The following DOP1A variants were observed in gnomAD, a reference collection of about 807,000 sequenced individuals.
The protein encoded by DOP1A is protein DOP1A.
DOP1A carries 90 observed loss-of-function variants against 267.6 expected under a neutral mutation model. The ratio of observed to expected loss-of-function variants is 0.34; its 90% CI spans 0.28 to 0.40. DOP1A has a LOEUF of 0.40. Among genes scored for constraint, DOP1A ranks in the 10% least tolerant of loss-of-function variants. The pLI, the probability that DOP1A is intolerant of heterozygous loss-of-function variation, is 1.00. For synonymous variants in DOP1A, 932 were observed against 999.1 expected, an observed-to-expected ratio of 0.93 and a Z score of 1.27; for missense variants, 2,437 against 2,900.4, an observed-to-expected ratio of 0.84 and a Z score of 3.67.
Position 83,152,385 on chromosome 6 carries a change from T to C in DOP1A, c.6129+18T>C. The C allele has an allele frequency of 1.7e-6, 2 of 1,203,414 alleles. No homozygotes were observed. Among genetic ancestry groups the C allele is most frequent in the Non-Finnish European group, 2.3e-6 (2 of 872,210 alleles). 74.5% of individuals were successfully genotyped at this position (1,203,414 alleles called of 1,614,324 possible). On this transcript the variant is annotated intron_variant, in intron 30 of 38. Coordinates refer to ENST00000349129, the MANE Select transcript of DOP1A (RefSeq NM_015018.4). The stretch of plus-strand genomic sequence containing the variant: ...TCTCTGAGGTAAATATTAAGCTTTT[T>C]CACATGAACTCTCAAGTAGACTGTT...
intron 1 of DOP1A, among the ~76,000 whole-genome samples, chr6:83,071,683 A>T (rs1269363628): frequency 6.6e-6 from 1 of 152,248 alleles, no homozygotes; most frequent in East Asian, 1.9e-4. Flanking sequence ...TAAATTAAAA[A>T]GTGTACTACA....
Position 83,153,898 on chromosome 6 carries a change from C to T in DOP1A, c.6244C>T (p.His2082Tyr). 6.2e-6 allele frequency: 10 copies of T among 1,611,250 alleles called. No homozygotes were observed. Among genetic ancestry groups the T allele is most frequent in the Non-Finnish European group, 8.5e-6 (10 of 1,179,272 alleles). Residue 2082 changes from histidine (H) to tyrosine (Y), a missense_variant, in exon 32 of 39, where the codon CAT becomes TAT. This residue lies in a region of DOP1A where 216 missense variants were observed against 283.3 expected (regional missense o/e 0.76). Coordinates refer to ENST00000349129, the MANE Select transcript of DOP1A (RefSeq NM_015018.4). ...VVPYLRNHSAHNAPSYRACVQ... is the reference protein window; with the variant it reads ...VVPYLRNHSAYNAPSYRACVQ... ...GGTGGTTTTTCTTCCTTGTAGTGCA[C>T]ATAATGCCCCTAGTTATCGAGCTTG...
At chr6:83,125,473 C>T (rs778303258) in intron 14 of DOP1A, 27 bp from the exon 15 acceptor site, 2 of 1,603,996 alleles carry the variant, frequency 1.2e-6, no homozygotes, top group Non-Finnish European at 1.7e-6. Context: ...ATTGTTTAAA[C>T]TTTTTTCATT....
chr6:83,162,873 A>C lies in DOP1A; in HGVS notation c.7046A>C (p.Lys2349Thr). Residue 2349 changes from lysine (K) to threonine (T), a missense_variant, in exon 38 of 39, where the codon AAA (lysine) becomes ACA (threonine). Physicochemically the swap from Lys to Thr is moderately conservative, Grantham distance 78 (BLOSUM62 -1). Around this residue, in one of 9 missense-constraint regions of DOP1A, gnomAD observed 197 missense variants for 246.5 expected, o/e 0.80. Coordinates refer to ENST00000349129, the MANE Select transcript of DOP1A (RefSeq NM_015018.4). ...CAGGGTATACATCAACGAGAATTTAAACCTTACGTGGTACGACTAGCAAAA... is the reference window on the plus strand; with the variant it reads ...CAGGGTATACATCAACGAGAATTTACACCTTACGTGGTACGACTAGCAAAA... ...RRQGIHQREF[K>T]PYVVRLAKLL... The C allele has an allele frequency of 6.2e-7, 1 of 1,613,506 alleles. No homozygotes were observed. The highest frequency in any genetic ancestry group is 8.5e-7 in the Non-Finnish European group (1 of 1,179,578).
intron 33 of DOP1A, among the ~76,000 whole-genome samples, chr6:83,154,917 C>T (rs1333795308): frequency 6.6e-6 from 1 of 152,086 alleles, no homozygotes; most frequent in Non-Finnish European, 1.5e-5. Context: ...GGAAAAAGGG[C>T]AGGATATCTG....
In DOP1A at chr6:83,159,926, G is replaced by A. The variant is rs1439581413; in HGVS notation, c.6928G>A (p.Ala2310Thr). The A allele has an allele frequency of 6.2e-6, 10 of 1,613,914 alleles. No individual in the cohort carries two copies. Among genetic ancestry groups the A allele is most frequent in the East Asian group, 4.5e-5 (2 of 44,872 alleles). The change falls in exon 37 of 39, where the codon GCA (alanine) becomes ACA (threonine). Residue 2310 changes from alanine to threonine, a missense_variant. Ala to Thr is a moderately conservative substitution (Grantham distance 58). This residue lies in a region of DOP1A where 197 missense variants were observed against 246.5 expected (regional missense o/e 0.80). Coordinates refer to ENST00000349129, the MANE Select transcript of DOP1A (RefSeq NM_015018.4). ...TTGCAAATTTTTGGATTTGGCTCTC[G>A]CATTGCCCTCTGAAAACCTTCCTCA... ...SACKFLDLAL[A>T]LPSENLPQFQ... is the part of the protein sequence containing the mutation.
At chr6:83,150,876 G>A (rs1781529647) in intron 27 of DOP1A, among the ~76,000 whole-genome samples, 1 of 152,016 alleles carries the variant, frequency 6.6e-6, no homozygotes, top group Non-Finnish European at 1.5e-5. Flanking sequence ...CAAATGCAAA[G>A]TTTGTAAAAA....
At chr6:83,114,002 TA>T (rs1342679427) in intron 7 of DOP1A, among the ~76,000 whole-genome samples, 1 of 152,158 alleles carries the variant, frequency 6.6e-6, no homozygotes, top group Non-Finnish European at 1.5e-5. Context: ...AGCACCAGTA[TA>T]TAGGCATTCA....
intron 11 of DOP1A, 97 bp downstream of exon 11, chr6:83,122,147 GT>G (rs1562323289): frequency 7.2e-7 from 1 of 1,389,738 alleles, no homozygotes; most frequent in Non-Finnish European, 9.8e-7. Flanking sequence ...ACTCTATGAA[GT>G]TTGTGTTCTA....
At chr6:83,111,962 T>C (rs1425741769) in intron 6 of DOP1A, among the ~76,000 whole-genome samples, 3 of 152,150 alleles carry the variant, frequency 2.0e-5, no homozygotes, top group African/African-American at 4.8e-5. Context: ...TAATCCAAGG[T>C]ACCAGAGATT....
chr6:83,092,818 TATC>T (rs762566262), intron 1 of DOP1A, among the ~76,000 whole-genome samples: 11 of 152,162 alleles, frequency 7.2e-5, no homozygotes, highest in Admixed American at 2.0e-4. Flanking sequence ...AATGAGCAGT[TATC>T]ATCTATAGCA....
chr6:83,149,019 GA>G lies in DOP1A; in HGVS notation c.5837+166del, dbSNP rs551255497. On this transcript the variant is annotated intron_variant, in intron 27 of 38. Transcript: ENST00000349129. ...AACTAGATGTATAAGGCCTGTTTAA[GA>G]AAAAAAAAAGTGGGAGGCAGGGTGA... Among the ~76,000 whole-genome samples the G allele has an allele frequency of 1.1e-3, 169 of 147,680 alleles. 1 individual carries two copies. Among genetic ancestry groups the G allele is most frequent in the African/African-American group, 2.8e-3 (111 of 40,354 alleles).
chr6:83,152,595 CTTT>C (rs1276411149), intron 30 of DOP1A, among the ~76,000 whole-genome samples: 4 of 147,198 alleles, frequency 2.7e-5, no homozygotes, highest in African/African-American at 7.5e-5. Flanking sequence ...ATGTCCTATT[CTTT>C]TTTATGTGTT....
At chr6:83,159,703 T>A in intron 36 of DOP1A, 93 bp from the exon 37 acceptor site, 1 of 1,378,560 alleles carries the variant, frequency 7.3e-7, no homozygotes, top group Non-Finnish European at 1.0e-6. Context: ...TCAGGATGAT[T>A]ATGAAAAATA....
chr6:83,118,416 T>C (rs1775824681), intron 7 of DOP1A, among the ~76,000 whole-genome samples: 1 of 152,170 alleles, frequency 6.6e-6, no homozygotes, highest in South Asian at 2.1e-4. Flanking sequence ...AAACGGTTTA[T>C]TATTTTGTTT....
Position 83,140,374 on chromosome 6 carries a change from C to T in DOP1A, c.5386C>T (p.Leu1796Phe), listed in dbSNP as rs763838181. 1.2e-6 allele frequency: 2 copies of T among 1,611,336 alleles called. No individual in the cohort carries two copies. Among genetic ancestry groups the T allele is most frequent in the Non-Finnish European group, 1.7e-6 (2 of 1,179,376 alleles). Residue 1796 changes from leucine (L) to phenylalanine (F), a missense_variant, in exon 23 of 39, where the codon CTT (leucine) becomes TTT (phenylalanine). Around this residue, in one of 9 missense-constraint regions of DOP1A, gnomAD observed 307 missense variants for 308.6 expected, o/e 0.99. Transcript: ENST00000349129. Reference sequence around the variant, plus strand: ...GATGACTATTGCCGCATCCGCATCTCTTACCACTATTAATCTTGGAGCTAC... The same window carrying T: ...GATGACTATTGCCGCATCCGCATCTTTTACCACTATTAATCTTGGAGCTAC... ...EKMTIAASAS[L>F]TTINLGATKN...
At chr6:83,155,507 G>A (rs1160418132) in intron 33 of DOP1A, among the ~76,000 whole-genome samples, 2 of 152,018 alleles carry the variant, frequency 1.3e-5, no homozygotes, top group Non-Finnish European at 2.9e-5. Context: ...ATGGGAGCAC[G>A]CTTGGTGCAC....
Position 83,080,218 on chromosome 6 carries a change from G to C in DOP1A, c.-147+12439G>C, listed in dbSNP as rs558529743. 5.0e-4 allele frequency among the ~76,000 whole-genome samples: 76 copies of C among 152,056 alleles called. 1 individual carries two copies. Among genetic ancestry groups the C allele is most frequent in the Non-Finnish European group, 6.3e-4 (43 of 68,010 alleles). ...GTTAGGAAAAACAAAACATTAGAAAGATATGTTTGAAAAAAGCAGATATAT... is the reference window on the plus strand; with the variant it reads ...GTTAGGAAAAACAAAACATTAGAAACATATGTTTGAAAAAAGCAGATATAT... On this transcript the variant is annotated intron_variant, in intron 1 of 38. Coordinates refer to ENST00000349129, the MANE Select transcript of DOP1A (RefSeq NM_015018.4).
rs781100309 is a variant in DOP1A at position 83,129,272 on chromosome 6, C to T, written c.2105C>T (p.Ser702Phe). Residue 702 changes from serine to phenylalanine, a missense_variant, in exon 16 of 39, where the codon TCT becomes TTT. Around this residue, in one of 9 missense-constraint regions of DOP1A, gnomAD observed 498 missense variants for 513.5 expected, o/e 0.97. Transcript: ENST00000349129. ...ATTCAGAATAACTCTTTTTCTCAGT[C>T]TTTGGCTACAGAACATCAAGGGGAT... Reference protein sequence around the residue: ...YIIQNNSFSQSLATEHQGDLG... With the variant: ...YIIQNNSFSQFLATEHQGDLG... 1.9e-6 allele frequency: 3 copies of T among 1,611,696 alleles called. No individual in the cohort carries two copies. In the East Asian group the frequency reaches 6.7e-5, roughly 36 times the overall value.
Sources: gnomAD v4.1 joint callset for allele counts (sites outside exome capture counted in the v4.1 genomes callset) on GRCh38, gnomAD v4.1.1 for gene constraint, gnomAD v4.1.1 regional missense constraint, MANE v1.5 for transcripts, NCBI Gene and HGNC (gene_info 2026-07-23, HGNC 2026-07-21) for gene names.